PCDHA7: variants seen among roughly 807,000 people sequenced by gnomAD.
PCDHA7 encodes the protein protocadherin alpha-7.
A neutral mutation model predicts 57.2 loss-of-function variants in PCDHA7; 37 were observed. That is an observed-to-expected ratio of 0.65 (90% CI 0.50 to 0.85). The LOEUF (loss-of-function observed/expected upper bound fraction) is 0.85. Ranked by LOEUF, PCDHA7 falls within the 40% of genes least tolerant of loss-of-function variation. The pLI, the probability that PCDHA7 is intolerant of heterozygous loss-of-function variation, is 0.00. For synonymous variants in PCDHA7, 553 were observed against 558.8 expected, an observed-to-expected ratio of 0.99 and a Z score of 0.15; for missense variants, 1,188 against 1,241.8, an observed-to-expected ratio of 0.96 and a Z score of 0.65.
At chr5:140,903,416 T>A (rs2070284951) in intron 1 of PCDHA7, among the ~76,000 whole-genome samples, 1 of 152,184 alleles carries the variant, frequency 6.6e-6, no homozygotes, top group Admixed American at 6.5e-5. Flanking sequence ...TCAGGAAAAA[T>A]TCAGCACAAT....
At chr5:140,997,533 A>G (rs1247028089) in intron 3 of PCDHA7, among the ~76,000 whole-genome samples, 1 of 152,230 alleles carries the variant, frequency 6.6e-6, no homozygotes, top group Non-Finnish European at 1.5e-5. Context: ...CAATAAAAAT[A>G]CATTATTATA....
At chr5:140,868,446 A>G (rs1224722166) in intron 1 of PCDHA7, 1 of 152,368 alleles carries the variant, frequency 6.6e-6, no homozygotes, top group Non-Finnish European at 1.5e-5. Flanking sequence ...TGTGGAACAT[A>G]AACACTAAAG....
rs1286159283 is a variant in PCDHA7 at position 140,856,342 on chromosome 5, C to G, written c.2355+19604C>G. The G allele has an allele frequency of 5.6e-6, 9 of 1,598,384 alleles. 1 individual carries two copies. In the Admixed American group the frequency reaches 1.3e-4, roughly 24 times the overall value. On this transcript the variant is annotated intron_variant, in intron 1 of 3. Transcript: ENST00000525929. ...ACCGCGAGGAGCTGTGCGGGCGGAG[C>G]GTGGAGTGCAGCATCCACCTGGAGG...
At chr5:140,921,134 C>G (rs2080042608) in intron 1 of PCDHA7, among the ~76,000 whole-genome samples, 1 of 111,400 alleles carries the variant, frequency 9.0e-6, no homozygotes, top group African/African-American at 3.7e-5. Flanking sequence ...GTGCACACCA[C>G]TACACCCAGC....
At chr5:140,914,929 G>A (rs1167844428) in intron 1 of PCDHA7, among the ~76,000 whole-genome samples, 2 of 145,306 alleles carry the variant, frequency 1.4e-5, no homozygotes, top group African/African-American at 5.0e-5. Flanking sequence ...ATTGTACTAT[G>A]TTGTGAAAAG....
intron 1 of PCDHA7, among the ~76,000 whole-genome samples, chr5:140,952,338 CA>C (rs55931446): frequency 8.7e-4 from 117 of 135,030 alleles, no homozygotes; most frequent in South Asian, 1.2e-3. Flanking sequence ...AACTCCATCT[CA>C]AAAAAAAAAA....
chr5:141,009,707 A>C lies in PCDHA7; in HGVS notation c.2584A>C (p.Asn862His). 6.2e-7 allele frequency: 1 copy of C among 1,614,144 alleles called. No individual in the cohort carries two copies. Among genetic ancestry groups the C allele is most frequent in the African/African-American group, 1.3e-5 (1 of 75,024 alleles). The change falls in exon 4 of 4, where the codon AAC becomes CAC. Residue 862 changes from asparagine (N) to histidine (H), a missense_variant. By Grantham distance (68) the Asn-to-His change is moderately conservative. This residue lies in a region of PCDHA7 where 892 missense variants were observed against 788.5 expected (regional missense o/e 1.13). Transcript: ENST00000525929. ...CTGGACCTTTAAATACGGACCAGGC[A>C]ACCCCAAACAATCCGGTCCCGGTGA... is the stretch of plus-strand genomic sequence containing the variant. ...NSWTFKYGPG[N>H]PKQSGPGELP...
Position 141,011,434 on chromosome 5 carries a change from C to T in PCDHA7, c.*1497C>T, listed in dbSNP as rs934032017. The T allele has an allele frequency of 6.5e-6, 1 of 153,726 alleles. No homozygotes were observed. Among genetic ancestry groups the T allele is most frequent in the Non-Finnish European group, 1.5e-5 (1 of 68,038 alleles). 9.5% of individuals were successfully genotyped at this position (153,726 alleles called of 1,614,324 possible). ...ATGTGAATGTTAATGCAACTATTAC[C>T]TAGAGTGAACTTTAAGCTTTATTGT... On this transcript the variant is annotated 3_prime_UTR_variant, in exon 4 of 4. Coordinates refer to ENST00000525929, the MANE Select transcript of PCDHA7 (RefSeq NM_018910.3).
chr5:140,870,722 G>C (rs1554164638), intron 1 of PCDHA7: 20 of 1,613,222 alleles, frequency 1.2e-5, no homozygotes, highest in Non-Finnish European at 1.4e-5. Context: ...CGCGATGCGG[G>C]CGTGCCGCCT....
Position 140,873,523 on chromosome 5 carries a change from G to A in PCDHA7, c.2355+36785G>A, listed in dbSNP as rs1371984958. 2.0e-5 allele frequency among the ~76,000 whole-genome samples: 3 copies of A among 152,090 alleles called. No homozygotes were observed. In the East Asian group the frequency reaches 5.8e-4, roughly 29 times the overall value. ...GTCTTTTATACTTAATGCCAAGATTGCATTCTATGGTATAAAATTATAATT... is the reference window on the plus strand; with the variant it reads ...GTCTTTTATACTTAATGCCAAGATTACATTCTATGGTATAAAATTATAATT... On this transcript the variant is annotated intron_variant, in intron 1 of 3. Transcript: ENST00000525929.
intron 1 of PCDHA7, among the ~76,000 whole-genome samples, chr5:140,963,211 G>A (rs185560728): frequency 0.016 from 2,496 of 152,042 alleles, 69 homozygotes; most frequent in African/African-American, 0.056. Flanking sequence ...AAAAAACCTC[G>A]TGTTTAGAGT....
chr5:140,836,991 C>G (rs1167342792), intron 1 of PCDHA7: 5 of 347,512 alleles, frequency 1.4e-5, no homozygotes, highest in African/African-American at 8.6e-5. Context: ...GAGGACTTTG[C>G]TAACTGGAGC....
chr5:140,948,385 T>A (rs909867343), intron 1 of PCDHA7, among the ~76,000 whole-genome samples: 4 of 151,622 alleles, frequency 2.6e-5, no homozygotes, highest in Admixed American at 2.6e-4. Flanking sequence ...TTCCTCTATT[T>A]TCTGAAAGGT....
chr5:140,869,934 A>ATTTTTTTTC, intron 1 of PCDHA7: 1 of 1,612,052 alleles, frequency 6.2e-7, no homozygotes, highest in African/African-American at 1.3e-5. Context: ...ATGGAGAGGT[A>ATTTTTTTTC]ACATACTCCT....
chr5:140,902,203 CTTTTTTT>C (rs148688132), intron 1 of PCDHA7, among the ~76,000 whole-genome samples: 3 of 124,458 alleles, frequency 2.4e-5, no homozygotes, highest in African/African-American at 3.1e-5. Flanking sequence ...CTCTCTCTTT[CTTTTTTT>C]TTTTTTTTTT....
In PCDHA7 at chr5:140,835,991, C is replaced by T. The variant is rs781942603; in HGVS notation, c.1608C>T (p.Ser536=). The change falls in exon 1 of 4, where the codon AGC becomes AGT. Residue 536 remains serine, a synonymous_variant. Transcript: ENST00000525929. ...TGGAGCTGTTGCAGTTCCAGGTGAG[C>T]GCGCGCGATGCGGGCGTGCCGCCTC... The part of the protein sequence containing the change: ...EELELLQFQV[S]ARDAGVPPLG... 1.2e-6 allele frequency: 2 copies of T among 1,613,268 alleles called. No individual in the cohort carries two copies. The highest frequency in any genetic ancestry group is 1.7e-6 in the Non-Finnish European group (2 of 1,179,694).
chr5:140,879,097 G>T (rs2057851255), intron 1 of PCDHA7, among the ~76,000 whole-genome samples: 1 of 152,214 alleles, frequency 6.6e-6, no homozygotes, highest in Non-Finnish European at 1.5e-5. Flanking sequence ...CAACTGCACA[G>T]TATATGGTGT....
At chr5:140,871,284 T>G in intron 1 of PCDHA7, 1 of 1,613,896 alleles carries the variant, frequency 6.2e-7, no homozygotes. Flanking sequence ...CAACGCCCAC[T>G]GAGGGCGCGT....
At chr5:140,885,581 G>A (rs984552337) in intron 1 of PCDHA7, among the ~76,000 whole-genome samples, 5 of 152,098 alleles carry the variant, frequency 3.3e-5, no homozygotes, top group African/African-American at 1.2e-4. Flanking sequence ...ATGTGGAATT[G>A]ATGCATCAAA....
Sources: gnomAD v4.1 joint callset for allele counts (sites outside exome capture counted in the v4.1 genomes callset) on GRCh38, gnomAD v4.1.1 for gene constraint, gnomAD v4.1.1 regional missense constraint, MANE v1.5 for transcripts, NCBI Gene and HGNC (gene_info 2026-07-23, HGNC 2026-07-21) for gene names.